Variants in PDE6A observed in about 807,000 individuals in gnomAD.
PDE6A encodes phosphodiesterase 6A.
A neutral mutation model predicts 106.3 loss-of-function variants in PDE6A; 84 were observed. The observed-to-expected ratio is 0.79, with a 90% CI of 0.66 to 0.95. The LOEUF (loss-of-function observed/expected upper bound fraction) is 0.95. Ranked by LOEUF, PDE6A falls within the 40% of genes least tolerant of loss-of-function variation. The probability of loss-of-function intolerance (pLI) is 0.00; values close to 1 mark genes in which losing one functional copy is unlikely to be tolerated. For synonymous variants in PDE6A, 394 were observed against 386.6 expected (o/e 1.02, Z -0.23); for missense variants, 1,052 against 1,084.9 (o/e 0.97, Z 0.43).
Position 149,883,462 on chromosome 5 carries a change from A to G in PDE6A, c.2102T>C (p.Met701Thr). The G allele has an allele frequency of 6.2e-7, 1 of 1,613,522 alleles. No homozygotes were observed. Among genetic ancestry groups the G allele is most frequent in the Non-Finnish European group, 8.5e-7 (1 of 1,179,512 alleles). Residue 701 changes from methionine to threonine, a missense_variant, in exon 17 of 22, where the codon ATG (methionine) becomes ACG (threonine). Around this residue, in one of 3 missense-constraint regions of PDE6A, gnomAD observed 913 missense variants for 915.2 expected, o/e 1.00. Transcript: ENST00000255266. Reference protein sequence around the residue: ...YESEQEWTQYMMLEQTRKEIV... With the variant: ...YESEQEWTQYTMLEQTRKEIV... ...TTCCTTCCGTGTCTGCTCCAGCATC[A>G]TGTACTGTGTCCACTCCTGTTCACT...
At chr5:149,940,623 G>A (rs971282421) in intron 1 of PDE6A, among the ~76,000 whole-genome samples, 4 of 151,622 alleles carry the variant, frequency 2.6e-5, no homozygotes, top group South Asian at 2.1e-4. Flanking sequence ...TCAGCCTCCC[G>A]AGTAGCTGGG....
chr5:149,900,333 GC>G, intron 8 of PDE6A, among the ~76,000 whole-genome samples: 1 of 139,608 alleles, frequency 7.2e-6, no homozygotes, highest in East Asian at 2.3e-4. Flanking sequence ...CTGCACTCCA[GC>G]CTGGGCAACA....
intron 19 of PDE6A, chr5:149,866,914 T>C (rs1760351842): frequency 6.5e-6 from 1 of 153,802 alleles, no homozygotes; most frequent in Admixed American, 6.4e-5. Context: ...GGCACTAGAG[T>C]TCACTGACTA....
intron 4 of PDE6A, among the ~76,000 whole-genome samples, chr5:149,924,238 G>A (rs1440786747): frequency 6.6e-6 from 1 of 152,090 alleles, no homozygotes; most frequent in Non-Finnish European, 1.5e-5. Flanking sequence ...AACAGTGCTG[G>A]AAGGAGAGGA....
chr5:149,906,467 A>G (rs879856148), intron 7 of PDE6A, among the ~76,000 whole-genome samples: 2 of 142,878 alleles, frequency 1.4e-5, no homozygotes, highest in Non-Finnish European at 3.0e-5. Context: ...CGGAGGTTGC[A>G]ATGAGCCAAA....
In PDE6A at chr5:149,944,587, C is replaced by T. The variant is rs1167731188; in HGVS notation, c.87G>A (p.Arg29=). ...FAKQYYNLHY[R]AKLISDLLGA... is the part of the protein sequence containing the mutation. ...CAAGGAGGTCGGAGATGAGCTTGGC[C>T]CGGTAGTGGAGGTTGTAGTACTGTT... The change falls in exon 1 of 22, where the codon CGG becomes CGA. Residue 29 remains arginine, a synonymous_variant. Transcript: ENST00000255266. The T allele has an allele frequency of 1.2e-6, 2 of 1,613,890 alleles. No homozygotes were observed. The highest frequency in any genetic ancestry group is 2.7e-5 in the African/African-American group (2 of 74,862).
intron 13 of PDE6A, among the ~76,000 whole-genome samples, chr5:149,887,936 A>C (rs1752377527): frequency 6.6e-6 from 1 of 152,060 alleles, no homozygotes; most frequent in Non-Finnish European, 1.5e-5. Context: ...GCTGGGCGTA[A>C]AGCCTGCATT....
At chr5:149,942,001 A>C (rs1754340741) in intron 1 of PDE6A, among the ~76,000 whole-genome samples, 1 of 151,376 alleles carries the variant, frequency 6.6e-6, no homozygotes, top group East Asian at 1.9e-4. Context: ...ACACTCTGGC[A>C]CTCAAGCTGG....
At chr5:149,930,591 G>T (rs1754003440) in intron 4 of PDE6A, among the ~76,000 whole-genome samples, 1 of 152,320 alleles carries the variant, frequency 6.6e-6, no homozygotes, top group Middle Eastern at 3.4e-3. Flanking sequence ...TGAGGGACCC[G>T]ATGTCGGCAT....
At chr5:149,895,950 A>T (rs556005672) in intron 12 of PDE6A, among the ~76,000 whole-genome samples, 3 of 152,198 alleles carry the variant, frequency 2.0e-5, no homozygotes, top group Non-Finnish European at 4.4e-5. Context: ...CCTCCCACAC[A>T]TACCTTCTCT....
Position 149,896,731 on chromosome 5 carries a change from C to A in PDE6A, c.1453G>T (p.Glu485Ter). 6.2e-7 allele frequency: 1 copy of A among 1,614,220 alleles called. No individual in the cohort carries two copies. Among genetic ancestry groups the A allele is most frequent in the Non-Finnish European group, 8.5e-7 (1 of 1,180,042 alleles). Residue 485 changes from glutamate to a stop codon, truncating the protein, a stop_gained, in exon 11 of 22, where the codon GAG (glutamate) becomes TAG (stop). Coordinates refer to ENST00000255266, the MANE Select transcript of PDE6A (RefSeq NM_000440.3). LOFTEE classifies it high-confidence loss of function. ...CTCACCAGGATCTCAGCCAGCTCCT[C>A]TTCCTCACACTCCCATGGCTCCTTC... Reference protein sequence around the residue: ...YGKEPWECEEEELAEILQAEL... With the variant: ...YGKEPWECEE
intron 5 of PDE6A, 118 bp downstream of exon 5, chr5:149,921,517 G>T: frequency 1.3e-6 from 1 of 747,740 alleles, no homozygotes. Context: ...AACTTCAAAG[G>T]AGACAACCCA....
At chr5:149,870,319 T>C (rs1002110138) in intron 17 of PDE6A, among the ~76,000 whole-genome samples, 5 of 152,218 alleles carry the variant, frequency 3.3e-5, no homozygotes, top group Non-Finnish European at 1.5e-5. Context: ...CAGAAGTGCA[T>C]ACATTTCTTA....
chr5:149,907,579 C>A (rs1359532811), intron 6 of PDE6A, among the ~76,000 whole-genome samples: 1 of 152,178 alleles, frequency 6.6e-6, no homozygotes, highest in Non-Finnish European at 1.5e-5. Flanking sequence ...GCAAATATAA[C>A]ATTTTACTGT....
chr5:149,878,035 C>T lies in PDE6A; in HGVS notation c.2135+5394G>A, dbSNP rs113161319. ...TGCCCAGAGGTTTTTGTCTCTACGA[C>T]AATGCAATGTGGGAAGATTCAAGAA... On this transcript the variant is annotated intron_variant, in intron 17 of 21. Coordinates refer to ENST00000255266, the MANE Select transcript of PDE6A (RefSeq NM_000440.3). 6.9e-3 allele frequency among the ~76,000 whole-genome samples: 1,054 copies of T among 152,274 alleles called. 7 individuals are homozygous for T. Among genetic ancestry groups the T allele is most frequent in the Non-Finnish European group, 0.011 (741 of 68,020 alleles).
At chr5:149,896,816 A>G (rs559509184) in intron 10 of PDE6A, 40 bp from the exon 11 acceptor site, 2 of 1,604,786 alleles carry the variant, frequency 1.2e-6, no homozygotes, top group African/African-American at 2.7e-5. Context: ...AAAATAGGTT[A>G]CAACATGCCT....
intron 4 of PDE6A, among the ~76,000 whole-genome samples, chr5:149,930,724 A>T (rs145600975): frequency 0.012 from 1,771 of 152,224 alleles, 13 homozygotes; most frequent in South Asian, 0.026. Context: ...TGGACTCTCA[A>T]CCCACATAGA....
intron 13 of PDE6A, among the ~76,000 whole-genome samples, chr5:149,888,130 T>A (rs1185422415): frequency 6.6e-6 from 1 of 152,070 alleles, no homozygotes; most frequent in African/African-American, 2.4e-5. Flanking sequence ...CAGAGCAAGA[T>A]CATATCTCAA....
In PDE6A at chr5:149,860,830, A is replaced by C; in HGVS notation, c.*65T>G. 1.5e-6 allele frequency: 2 copies of C among 1,355,830 alleles called. No individual in the cohort carries two copies. The highest frequency in any genetic ancestry group is 2.1e-6 in the Non-Finnish European group (2 of 945,606). 84.0% of individuals were successfully genotyped at this position (1,355,830 alleles called of 1,614,324 possible). On this transcript the variant is annotated 3_prime_UTR_variant, in exon 22 of 22. Transcript: ENST00000255266. Reference sequence around the variant, plus strand: ...TACTTCTCAAGGTGTGTGGTCTTCCACTGGCTTGAGTCATCTCTTCCCAGG... The same window carrying C: ...TACTTCTCAAGGTGTGTGGTCTTCCCCTGGCTTGAGTCATCTCTTCCCAGG...
Sources: allele counts gnomAD v4.1 joint callset (sites outside exome capture counted in the v4.1 genomes callset), GRCh38; gene constraint gnomAD v4.1.1; regional missense constraint gnomAD v4.1.1; transcripts MANE v1.5; gene names NCBI Gene and HGNC (gene_info 2026-07-23, HGNC 2026-07-21).